The following CERS6 variants were observed in gnomAD, a reference collection of about 807,000 sequenced individuals.
CERS6 encodes ceramide synthase 6.
CERS6 carries 26 observed loss-of-function variants against 56.8 expected under a neutral mutation model. The ratio of observed to expected loss-of-function variants is 0.46; its 90% CI spans 0.34 to 0.63. CERS6 has a LOEUF of 0.63. CERS6 is among the 30% of genes least tolerant of loss of function. CERS6 has a pLI of 0.01. For missense variants in CERS6, 415 were observed against 467.5 expected, an observed-to-expected ratio of 0.89 and a Z score of 1.04; for synonymous variants, 164 against 173.3, an observed-to-expected ratio of 0.95 and a Z score of 0.42.
At chr2:168,769,414 C>A in intron 9 of CERS6, 96 bp from the exon 10 acceptor site, 1 of 1,097,442 alleles carries the variant, frequency 9.1e-7, no homozygotes, top group Non-Finnish European at 1.3e-6. Flanking sequence ...ACATTGGGAT[C>A]TGTTTCCCCT....
chr2:168,740,681 G>T (rs1559075252), intron 8 of CERS6, among the ~76,000 whole-genome samples: 1 of 152,124 alleles, frequency 6.6e-6, no homozygotes, highest in Non-Finnish European at 1.5e-5. Flanking sequence ...AATTAAGAAA[G>T]GATTCTGAAA....
At chr2:168,606,036 A>G (rs1684044747) in intron 3 of CERS6, among the ~76,000 whole-genome samples, 1 of 152,142 alleles carries the variant, frequency 6.6e-6, no homozygotes, top group African/African-American at 2.4e-5. Flanking sequence ...AAAATGGTAG[A>G]TCCACCAGCA....
chr2:168,723,525 T>A (rs891135399), intron 8 of CERS6, among the ~76,000 whole-genome samples: 3 of 151,588 alleles, frequency 2.0e-5, no homozygotes, highest in Admixed American at 6.6e-5. Flanking sequence ...CTTTCATGCT[T>A]GTCTTTTCTG....
Position 168,774,213 on chromosome 2 carries a change from G to A in CERS6, c.*4551G>A, listed in dbSNP as rs998498380. On this transcript the variant is annotated 3_prime_UTR_variant, in exon 10 of 10. Coordinates refer to ENST00000305747, the MANE Select transcript of CERS6 (RefSeq NM_203463.3). ...GTGTCTCCACAAAACTAGGCATTCT[G>A]GAGATTGCCCAGAAAGGGATGTGAG... 1.3e-5 allele frequency: 2 copies of A among 152,150 alleles called. No individual in the cohort carries two copies. Among genetic ancestry groups the A allele is most frequent in the African/African-American group, 2.4e-5 (1 of 41,416 alleles). 9.4% of individuals were successfully genotyped at this position (152,150 alleles called of 1,614,324 possible).
chr2:168,699,596 C>CT (rs899678422), intron 6 of CERS6, among the ~76,000 whole-genome samples: 8 of 151,716 alleles, frequency 5.3e-5, no homozygotes, highest in African/African-American at 1.5e-4. Flanking sequence ...TTTTTGGCAC[C>CT]TTTTTTTTAA....
At chr2:168,596,082 C>CAAAA (rs11416261) in intron 3 of CERS6, among the ~76,000 whole-genome samples, 5 of 138,896 alleles carry the variant, frequency 3.6e-5, no homozygotes, top group East Asian at 2.1e-4. Flanking sequence ...GACCCTGTCT[C>CAAAA]AAAAAAAAAA....
At chr2:168,687,624 C>T (rs1559052550) in intron 4 of CERS6, among the ~76,000 whole-genome samples, 1 of 152,258 alleles carries the variant, frequency 6.6e-6, no homozygotes, top group Non-Finnish European at 1.5e-5. Flanking sequence ...GTGTAAAATA[C>T]TTTAAATCTG....
chr2:168,746,427 G>C (rs976835566), intron 8 of CERS6, among the ~76,000 whole-genome samples: 1 of 151,966 alleles, frequency 6.6e-6, no homozygotes, highest in Non-Finnish European at 1.5e-5. Flanking sequence ...TCCACTAACA[G>C]ACCTTCAGAA....
chr2:168,688,781 C>A (rs535460255), intron 4 of CERS6, among the ~76,000 whole-genome samples: 12 of 152,218 alleles, frequency 7.9e-5, no homozygotes, highest in African/African-American at 2.9e-4. Context: ...AGGTCTGTGC[C>A]CCTGCCTCCG....
At chr2:168,483,313 A>G (rs1694211641) in intron 1 of CERS6, among the ~76,000 whole-genome samples, 1 of 151,254 alleles carries the variant, frequency 6.6e-6, no homozygotes, top group African/African-American at 2.4e-5. Context: ...CGCTTATAGC[A>G]CTTTGCTTGG....
In CERS6 at chr2:168,766,382, A is replaced by C. The variant is rs962498872; in HGVS notation, c.1002+634A>C. ...CTCCTCTCTCTCTATCCCTGTCCTG[A>C]GTGCCTCTTGCCTGTTGGAGGGGCA... On this transcript the variant is annotated intron_variant, in intron 9 of 9. Transcript: ENST00000305747. 4 of 1,588,540 alleles carry C rather than the reference A, an allele frequency of 2.5e-6. No homozygotes were observed. The African/African-American group carries it at 4.0e-5, about 16-fold the overall frequency.
intron 1 of CERS6, among the ~76,000 whole-genome samples, chr2:168,526,937 C>T (rs1434954293): frequency 3.3e-5 from 5 of 152,190 alleles, no homozygotes; most frequent in African/African-American, 7.2e-5. Context: ...CAGATTGAAG[C>T]GTTTGAACAC....
intron 8 of CERS6, among the ~76,000 whole-genome samples, chr2:168,721,221 G>C (rs971301315): frequency 3.3e-5 from 5 of 152,124 alleles, no homozygotes; most frequent in Non-Finnish European, 5.9e-5. Context: ...GCGATCTTTT[G>C]TAACAGTTCT....
At chr2:168,503,200 G>T (rs1003444435) in intron 1 of CERS6, among the ~76,000 whole-genome samples, 19 of 152,084 alleles carry the variant, frequency 1.2e-4, no homozygotes, top group Non-Finnish European at 1.0e-4. Context: ...CTTCTGCCAT[G>T]ATTCTAAGTT....
At chr2:168,463,381 A>G (rs1693811332) in intron 1 of CERS6, among the ~76,000 whole-genome samples, 1 of 152,220 alleles carries the variant, frequency 6.6e-6, no homozygotes, top group African/African-American at 2.4e-5. Context: ...TGGTTATACC[A>G]TAATTTACTT....
intron 8 of CERS6, among the ~76,000 whole-genome samples, chr2:168,754,724 C>T (rs1023554944): frequency 1.3e-5 from 2 of 152,200 alleles, no homozygotes; most frequent in East Asian, 3.8e-4. Context: ...TCCCTTTTAG[C>T]TCTTATTTGC....
At chr2:168,766,469 T>C (rs1293840427) in intron 9 of CERS6, 3 of 850,230 alleles carry the variant, frequency 3.5e-6, no homozygotes, top group Non-Finnish European at 5.9e-6. Context: ...GTCTAGAGGC[T>C]TCATGTGAGC....
At chr2:168,621,300 C>T (rs1434903306) in intron 3 of CERS6, among the ~76,000 whole-genome samples, 4 of 152,168 alleles carry the variant, frequency 2.6e-5, no homozygotes, top group Non-Finnish European at 4.4e-5. Context: ...GTCATATTGA[C>T]TGAATTTAAT....
At chr2:168,745,402 T>C (rs544351844) in intron 8 of CERS6, among the ~76,000 whole-genome samples, 34 of 152,094 alleles carry the variant, frequency 2.2e-4, no homozygotes, top group South Asian at 1.9e-3. Flanking sequence ...CCACCACGCC[T>C]AGCTAATTTT....
Sources: gnomAD v4.1 joint callset for allele counts (sites outside exome capture counted in the v4.1 genomes callset) on GRCh38, gnomAD v4.1.1 for gene constraint, MANE v1.5 for transcripts, NCBI Gene and HGNC (gene_info 2026-07-23, HGNC 2026-07-21) for gene names.